B3GNT5: variants seen among roughly 807,000 people sequenced by gnomAD.
The protein encoded by B3GNT5 is lactosylceramide 1,3-N-acetyl-beta-D-glucosaminyltransferase.
A neutral mutation model predicts 25.9 loss-of-function variants in B3GNT5; 11 were observed. That is an observed-to-expected ratio of 0.42 (90% CI 0.27 to 0.70). The LOEUF (loss-of-function observed/expected upper bound fraction) is 0.70. Ranked by LOEUF, B3GNT5 falls within the 30% of genes least tolerant of loss-of-function variation. B3GNT5 has a pLI of 0.23. For missense variants in B3GNT5, 385 were observed against 458.4 expected (o/e 0.84, Z 1.46); for synonymous variants, 166 against 158.6 (o/e 1.05, Z -0.35).
chr3:183,263,920 G>A (rs773264163), intron 1 of B3GNT5, among the ~76,000 whole-genome samples: 14 of 151,708 alleles, frequency 9.2e-5, no homozygotes, highest in African/African-American at 1.2e-4. Context: ...CCTTCCTTCC[G>A]TCCCCATTTC....
chr3:183,272,118 A>G lies in B3GNT5; in HGVS notation c.*1183A>G. ...AAAACAGAGTAAAAAAGTGATAGAA[A>G]AGTTGCCAGTTTGGGGTTAAAGCAT... On this transcript the variant is annotated 3_prime_UTR_variant, in exon 2 of 2. Transcript: ENST00000326505. 1.0e-6 allele frequency: 1 copy of G among 998,200 alleles called. No individual in the cohort carries two copies. The highest frequency in any genetic ancestry group is 6.1e-5 in the Admixed American group (1 of 16,282). The allele number at this position is 998,200 out of a possible 1,614,324, so 61.8% of individuals were successfully genotyped here.
At chr3:183,262,879 C>T (rs1030329123) in intron 1 of B3GNT5, among the ~76,000 whole-genome samples, 1 of 151,952 alleles carries the variant, frequency 6.6e-6, no homozygotes, top group Non-Finnish European at 1.5e-5. Context: ...TGGTAAGTCC[C>T]ATTTCCCCAG....
rs1272285285 is a variant in B3GNT5, at chr3:183,253,268, C to T, written c.-506C>T. The T allele has an allele frequency of 6.9e-6, 1 of 145,228 alleles. No homozygotes were observed. The highest frequency in any genetic ancestry group is 1.5e-5 in the Non-Finnish European group (1 of 65,626). The allele number at this position is 145,228 out of a possible 1,614,324, so 9.0% of individuals were successfully genotyped here. ...CATCCCGCCCGCATACAGCCCGCAT[C>T]CCGCCGGGGAAGCGAGCCCAGTCCA... On this transcript the variant is annotated 5_prime_UTR_variant, in exon 1 of 2. Transcript: ENST00000326505.
At chr3:183,266,315 G>A (rs979602361) in intron 1 of B3GNT5, among the ~76,000 whole-genome samples, 1 of 152,222 alleles carries the variant, frequency 6.6e-6, no homozygotes. Flanking sequence ...TCAGGAATAG[G>A]CAGCTGGTTT....
rs893337082 is a variant in B3GNT5 at position 183,271,104 on chromosome 3, A to G, written c.*169A>G. On this transcript the variant is annotated 3_prime_UTR_variant, in exon 2 of 2. Coordinates refer to ENST00000326505, the MANE Select transcript of B3GNT5 (RefSeq NM_032047.5). ...TTCTAGAAGCTGTTTAATATCACTT[A>G]TCTACTTCATTGCCTAAGTTCATTT... 12 of 554,960 alleles carry G rather than the reference A, an allele frequency of 2.2e-5. No individual in the cohort carries two copies. In the African/African-American group the frequency reaches 2.4e-4, roughly 11 times the overall value. The allele number at this position is 554,960 out of a possible 1,614,324, so 34.4% of individuals were successfully genotyped here.
At chr3:183,266,155 T>A (rs1560383974) in intron 1 of B3GNT5, 1 of 152,318 alleles carries the variant, frequency 6.6e-6, no homozygotes, top group East Asian at 1.9e-4. Flanking sequence ...ACTGGAGAGA[T>A]ACTAGCACCT....
Position 183,272,061 on chromosome 3 carries a change from G to T in B3GNT5, c.*1126G>T. On this transcript the variant is annotated 3_prime_UTR_variant, in exon 2 of 2. Coordinates refer to ENST00000326505, the MANE Select transcript of B3GNT5 (RefSeq NM_032047.5). ...TATTTTTCATCAATAACTGTCAGAG[G>T]TGATCTTTATTTTCTAAATATTTCA... 1.5e-6 allele frequency: 1 copy of T among 669,590 alleles called. No homozygotes were observed. The highest frequency in any genetic ancestry group is 1.9e-6 in the Non-Finnish European group (1 of 528,238). 41.5% of individuals were successfully genotyped at this position (669,590 alleles called of 1,614,324 possible).
At chr3:183,254,151 C>G (rs956826853) in intron 1 of B3GNT5, 1 of 151,794 alleles carries the variant, frequency 6.6e-6, no homozygotes, top group Non-Finnish European at 1.5e-5. Flanking sequence ...CACTCCGGGC[C>G]GAGCGAGGTC....
chr3:183,257,565 T>C lies in B3GNT5; in HGVS notation c.-302+4093T>C, dbSNP rs115617464. On this transcript the variant is annotated intron_variant, in intron 1 of 1. Coordinates refer to ENST00000326505, the MANE Select transcript of B3GNT5 (RefSeq NM_032047.5). ...TAAATGGTAGTTAACTTAGACTAAATGTTGATCCACCAAGACAGAAACATG... is the reference window on the plus strand; with the variant it reads ...TAAATGGTAGTTAACTTAGACTAAACGTTGATCCACCAAGACAGAAACATG... Among the ~76,000 whole-genome samples, 553 of 152,314 alleles carry C rather than the reference T, an allele frequency of 3.6e-3. 4 individuals carry two copies. Among genetic ancestry groups the C allele is most frequent in the African/African-American group, 0.012 (502 of 41,582 alleles).
Position 183,269,835 on chromosome 3 carries a change from T to C in B3GNT5, c.37T>C (p.Trp13Arg), listed in dbSNP as rs200215381. 1.8e-5 allele frequency: 29 copies of C among 1,611,912 alleles called. No individual in the cohort carries two copies. The highest frequency in any genetic ancestry group is 2.4e-5 in the Non-Finnish European group (28 of 1,179,140). The stretch of plus-strand genomic sequence containing the variant: ...GGTTAGTGGCAGAAGAGTCAAAAAA[T>C]GGCAGTTAATTATTCAGTTATTTGC... ...MLVSGRRVKK[W>R]QLIIQLFATC... Residue 13 changes from tryptophan (W) to arginine (R), a missense_variant, in exon 2 of 2, where the codon TGG (tryptophan) becomes CGG (arginine). Physicochemically the swap from Trp to Arg is moderately radical, Grantham distance 101. Transcript: ENST00000326505.
In B3GNT5 at chr3:183,253,276, G is replaced by C. The variant is rs1275592663; in HGVS notation, c.-498G>C. ...CCGCATACAGCCCGCATCCCGCCGGGGAAGCGAGCCCAGTCCAGCGCTGCC... is the reference window on the plus strand; with the variant it reads ...CCGCATACAGCCCGCATCCCGCCGGCGAAGCGAGCCCAGTCCAGCGCTGCC... On this transcript the variant is annotated 5_prime_UTR_variant, in exon 1 of 2. Transcript: ENST00000326505. The C allele has an allele frequency of 6.6e-6, 1 of 151,842 alleles. No homozygotes were observed. The highest frequency in any genetic ancestry group is 6.6e-5 in the Admixed American group (1 of 15,242). The allele number at this position is 151,842 out of a possible 1,614,324, so 9.4% of individuals were successfully genotyped here.
Position 183,273,182 on chromosome 3 carries a change from T to A in B3GNT5, c.*2247T>A, listed in dbSNP as rs954104292. 22 of 494,262 alleles carry A rather than the reference T, an allele frequency of 4.5e-5. No homozygotes were observed. Among genetic ancestry groups the A allele is most frequent in the Non-Finnish European group, 7.6e-5 (21 of 276,726 alleles). The allele number at this position is 494,262 out of a possible 1,614,324, so 30.6% of individuals were successfully genotyped here. ...AGGGAAAATAAACTATCAGCTTGGA[T>A]GGTCACTTGAATAGAAGATGGTTAT... On this transcript the variant is annotated 3_prime_UTR_variant, in exon 2 of 2. Transcript: ENST00000326505.
chr3:183,259,077 C>G (rs149054442), intron 1 of B3GNT5, among the ~76,000 whole-genome samples: 2 of 151,972 alleles, frequency 1.3e-5, no homozygotes, highest in African/African-American at 2.4e-5. Flanking sequence ...TCTGAGGATG[C>G]GGAACCCATG....
chr3:183,260,398 C>T (rs1576983777), intron 1 of B3GNT5, among the ~76,000 whole-genome samples: 2 of 152,220 alleles, frequency 1.3e-5, no homozygotes, highest in South Asian at 4.1e-4. Flanking sequence ...GAGCAAGCAA[C>T]CGTGTCAGCC....
At chr3:183,258,614 T>A (rs377166127) in intron 1 of B3GNT5, among the ~76,000 whole-genome samples, 2 of 152,222 alleles carry the variant, frequency 1.3e-5, no homozygotes, top group African/African-American at 4.8e-5. Context: ...TCCCTCAGTA[T>A]CCTTGGGGAA....
At chr3:183,256,772 G>A (rs1004743343) in intron 1 of B3GNT5, among the ~76,000 whole-genome samples, 1 of 152,156 alleles carries the variant, frequency 6.6e-6, no homozygotes, top group Admixed American at 6.5e-5. Flanking sequence ...TCTTACTTTA[G>A]AGGACCATAT....
intron 1 of B3GNT5, among the ~76,000 whole-genome samples, chr3:183,256,792 C>G (rs1222348270): frequency 6.6e-6 from 1 of 152,076 alleles, no homozygotes; most frequent in African/African-American, 2.4e-5. Context: ...TAATCTTATA[C>G]CTGTGTCATC....
At position 183,270,972 on chromosome 3, in the gene B3GNT5, G is replaced by C. The variant is rs764839323; in HGVS notation, c.*37G>C. On this transcript the variant is annotated 3_prime_UTR_variant, in exon 2 of 2. Transcript: ENST00000326505. The surrounding 1 kb of genome is among the most constrained non-coding windows in gnomAD (Gnocchi z 4.5). ...TGTTGTATGTTTTCACTGTCACTGA[G>C]TCAAACCTGGATGAAAAAAACCTTT... 2.0e-6 allele frequency: 3 copies of C among 1,507,824 alleles called. No homozygotes were observed. The East Asian group carries it at 6.9e-5, about 34-fold the overall frequency. The allele number at this position is 1,507,824 out of a possible 1,614,324, so 93.4% of individuals were successfully genotyped here.
chr3:183,257,500 G>C (rs943564415), intron 1 of B3GNT5, among the ~76,000 whole-genome samples: 1 of 152,040 alleles, frequency 6.6e-6, no homozygotes, highest in Non-Finnish European at 1.5e-5. Flanking sequence ...CTACTTTCAG[G>C]GCTGCCCGCT....
Sources: allele counts gnomAD v4.1 joint callset (sites outside exome capture counted in the v4.1 genomes callset), GRCh38; gene constraint gnomAD v4.1.1; non-coding constraint Gnocchi (gnomAD v3.1); transcripts MANE v1.5; gene names NCBI Gene and HGNC (gene_info 2026-07-23, HGNC 2026-07-21).